Variants in MICAL2 observed in about 807,000 individuals in gnomAD.
The protein encoded by MICAL2 is microtubule associated monooxygenase, calponin and LIM domain containing 2.
In MICAL2, 77 loss-of-function variants were observed where a neutral mutation model predicts 127.3. The observed-to-expected ratio is 0.60, with a 90% CI of 0.50 to 0.73. The LOEUF is 0.73. Among genes scored for constraint, MICAL2 ranks in the 30% least tolerant of loss-of-function variants. The pLI is 0.00. For synonymous variants in MICAL2, 570 were observed against 551.1 expected (o/e 1.03, Z -0.48); for missense variants, 1,351 against 1,434.4 (o/e 0.94, Z 0.94).
In MICAL2 at chr11:12,224,721, C is replaced by G; in HGVS notation, c.1589C>G (p.Thr530Arg). 3.1e-6 allele frequency: 5 copies of G among 1,614,224 alleles called. No homozygotes were observed. Among genetic ancestry groups the G allele is most frequent in the African/African-American group, 1.3e-5 (1 of 75,074 alleles). ...SKLLTWCQQQ[T>R]EGYQHVNVTD... ...CTCCTGACCTGGTGCCAGCAGCAGA[C>G]AGAGGGCTACCAGCATGTCAACGTC... Residue 530 changes from threonine (T) to arginine (R), a missense_variant, in exon 13 of 28, where the codon ACA (threonine) becomes AGA (arginine). Physicochemically the swap from Thr to Arg is moderately conservative, Grantham distance 71. This residue lies in a region of MICAL2 where 599 missense variants were observed against 714.9 expected (regional missense o/e 0.84). Transcript: ENST00000683283.
intron 32 of MICAL2, among the ~76,000 whole-genome samples, chr11:12,336,503 G>C (rs1404101475): frequency 1.3e-5 from 2 of 152,188 alleles, no homozygotes; most frequent in Admixed American, 6.5e-5. Flanking sequence ...AATAGGAGTG[G>C]TGAGAGAGGG....
chr11:12,285,081 T>C (rs1229373037), intron 2 of MICAL2, among the ~76,000 whole-genome samples: 1 of 152,056 alleles, frequency 6.6e-6, no homozygotes, highest in Non-Finnish European at 1.5e-5. Context: ...TAAAGATAAT[T>C]TGTTGAGAAG....
chr11:12,186,253 G>GTTTTTTTCTT (rs1185099815), intron 3 of MICAL2, among the ~76,000 whole-genome samples: 1 of 152,288 alleles, frequency 6.6e-6, no homozygotes, highest in East Asian at 1.9e-4. Flanking sequence ...GCTTGGGGGA[G>GTTTTTTTCTT]TTTTTTTCTT....
intron 24 of MICAL2, among the ~76,000 whole-genome samples, chr11:12,269,959 G>A (rs147576344): frequency 1.6e-4 from 24 of 152,336 alleles, no homozygotes; most frequent in East Asian, 1.9e-4. Flanking sequence ...CTGAAGATCC[G>A]TGGACTCCTG....
chr11:12,324,676 A>C (rs1864335793), intron 31 of MICAL2, among the ~76,000 whole-genome samples: 1 of 152,214 alleles, frequency 6.6e-6, no homozygotes, highest in African/African-American at 2.4e-5. Context: ...GGGTTTTAGG[A>C]TACACGGACT....
Position 12,214,278 on chromosome 11 carries a change from A to T in MICAL2, c.847+868A>T, listed in dbSNP as rs577874906. On this transcript the variant is annotated intron_variant, in intron 7 of 27. Transcript: ENST00000683283. The stretch of plus-strand genomic sequence containing the variant: ...TCTCCTTGAAAAGCAATGTAACAAC[A>T]ATGTTAAATAAAATCTGTATATGGA... Among the ~76,000 whole-genome samples the T allele has an allele frequency of 5.9e-5, 9 of 152,310 alleles. No individual in the cohort carries two copies. The South Asian group carries it at 1.7e-3, about 28-fold the overall frequency.
chr11:12,328,189 C>T (rs1343685459), intron 32 of MICAL2, among the ~76,000 whole-genome samples: 2 of 152,208 alleles, frequency 1.3e-5, no homozygotes, highest in East Asian at 1.9e-4. Flanking sequence ...GACATTAAAA[C>T]ACTGGGTCTG....
intron 22 of MICAL2, chr11:12,254,797 T>C (rs1168979959): frequency 1.3e-5 from 2 of 151,954 alleles, no homozygotes; most frequent in Non-Finnish European, 2.9e-5. Context: ...CCACGGTGAA[T>C]GTAACAGTCC....
intron 3 of MICAL2, among the ~76,000 whole-genome samples, chr11:12,188,773 G>C (rs2171152): frequency 0.96 from 145,607 of 152,180 alleles, 69,983 homozygotes; most frequent in Non-Finnish European, 0.99. Context: ...TGGACGCAAT[G>C]ATACCTACTT....
intron 30 of MICAL2, among the ~76,000 whole-genome samples, chr11:12,322,982 T>A (rs1003832608): frequency 6.6e-6 from 1 of 152,228 alleles, no homozygotes; most frequent in Non-Finnish European, 1.5e-5. Context: ...AAGTTCAGAA[T>A]GTTGTGTGAC....
intron 1 of MICAL2, among the ~76,000 whole-genome samples, chr11:12,123,210 C>CT (rs1470265854): frequency 2.0e-5 from 3 of 152,198 alleles, no homozygotes; most frequent in South Asian, 4.1e-4. Context: ...TTTAGACATA[C>CT]TTTTTTTATT....
At chr11:12,140,878 C>A (rs1565023719) in intron 2 of MICAL2, among the ~76,000 whole-genome samples, 1 of 152,210 alleles carries the variant, frequency 6.6e-6, no homozygotes, top group Non-Finnish European at 1.5e-5. Flanking sequence ...ACCCTTCCCC[C>A]ACCAACCTTC....
At chr11:12,230,232 C>A (rs534407802) in intron 15 of MICAL2, among the ~76,000 whole-genome samples, 1 of 152,296 alleles carries the variant, frequency 6.6e-6, no homozygotes, top group Non-Finnish European at 1.5e-5. Flanking sequence ...TTGACCTCAA[C>A]ATTTCCCATT....
intron 32 of MICAL2, chr11:12,349,758 C>T (rs1034330002): frequency 5.8e-6 from 8 of 1,374,330 alleles, no homozygotes; most frequent in Non-Finnish European, 7.2e-6. Flanking sequence ...CAAACATAAC[C>T]TGCTAAAGTG....
chr11:12,287,257 G>A (rs191892218), exon 3 of MICAL2: 1 of 397,430 alleles, frequency 2.5e-6, no homozygotes, highest in African/African-American at 2.1e-5. Flanking sequence ...TCCTTACATG[G>A]TATCTCTCTG....
chr11:12,281,037 T>C, exon 2 of MICAL2: 1 of 399,032 alleles, frequency 2.5e-6, no homozygotes, highest in Non-Finnish European at 4.4e-6. Context: ...CACACGTCCC[T>C]AGGGGAGGCC....
chr11:12,196,999 A>G (rs924082933), intron 3 of MICAL2, among the ~76,000 whole-genome samples: 1 of 152,150 alleles, frequency 6.6e-6, no homozygotes, highest in African/African-American at 2.4e-5. Flanking sequence ...TGAAGTCACT[A>G]ATCTGTTTCT....
At chr11:12,219,460 G>A (rs112889263) in intron 8 of MICAL2, among the ~76,000 whole-genome samples, 18 of 150,332 alleles carry the variant, frequency 1.2e-4, no homozygotes, top group African/African-American at 4.2e-4. Flanking sequence ...CCTGGGAGGC[G>A]GAGGTTGCAG....
intron 26 of MICAL2, chr11:12,261,283 G>T: frequency 4.1e-6 from 4 of 985,536 alleles, no homozygotes; most frequent in Non-Finnish European, 4.8e-6. Flanking sequence ...CCCTGGGAAA[G>T]GAATGGGTCT....
Sources: allele counts gnomAD v4.1 joint callset (sites outside exome capture counted in the v4.1 genomes callset), GRCh38; gene constraint gnomAD v4.1.1; regional missense constraint gnomAD v4.1.1; transcripts MANE v1.5; gene names NCBI Gene and HGNC (gene_info 2026-07-23, HGNC 2026-07-21).